The following DSP variants were observed in gnomAD, a reference collection of about 807,000 sequenced individuals.
The protein encoded by DSP is desmoplakin.
In DSP, 114 loss-of-function variants were observed where a neutral mutation model predicts 290.6. The observed-to-expected ratio is 0.39, with a 90% CI of 0.34 to 0.46. The LOEUF (loss-of-function observed/expected upper bound fraction) is 0.46. Among genes scored for constraint, DSP ranks in the 20% least tolerant of loss-of-function variants. The pLI is 0.99. For synonymous variants in DSP, 1,311 were observed against 1,316.4 expected (o/e 1.00, Z 0.09); for missense variants, 3,230 against 3,495.8 (o/e 0.92, Z 1.92).
intron 1 of DSP, 22 bp downstream of exon 1, chr6:7,542,107 G>A (rs1174870155): frequency 1.9e-6 from 3 of 1,552,206 alleles, no homozygotes; most frequent in Admixed American, 3.9e-5. Context: ...CCCGGAGAGC[G>A]CGGGCTGCGG....
chr6:7,559,091 A>C, intron 3 of DSP, 135 bp from the exon 4 acceptor site: 1 of 1,048,406 alleles, frequency 9.5e-7, no homozygotes, highest in Non-Finnish European at 1.4e-6. Flanking sequence ...GGTAAAGAAA[A>C]AAAAATCTTC....
At chr6:7,570,332 G>T in intron 12 of DSP, 105 bp from the exon 13 acceptor site, 1 of 1,541,112 alleles carries the variant, frequency 6.5e-7, no homozygotes, top group Non-Finnish European at 8.9e-7. Flanking sequence ...CTTTATCAGT[G>T]ACTGTTGTAG....
intron 1 of DSP, among the ~76,000 whole-genome samples, chr6:7,542,731 G>A (rs575529230): frequency 4.6e-5 from 7 of 152,334 alleles, no homozygotes; most frequent in Middle Eastern, 3.4e-3. Context: ...GGCGGCTGCC[G>A]GGCCCGGGTC....
chr6:7,548,380 T>G (rs1758232646), intron 1 of DSP, among the ~76,000 whole-genome samples: 1 of 152,128 alleles, frequency 6.6e-6, no homozygotes, highest in Non-Finnish European at 1.5e-5. Context: ...GAGCCTCACC[T>G]CAGCCCCAGG....
chr6:7,572,424 G>A (rs999339365), intron 15 of DSP, among the ~76,000 whole-genome samples: 4 of 152,166 alleles, frequency 2.6e-5, no homozygotes, highest in Admixed American at 6.5e-5. Context: ...GGTGAGATAC[G>A]ATCTCAAAGC....
rs747028124 is a variant in DSP, at chr6:7,579,663, T to C, written c.3473T>C (p.Leu1158Ser). ...AAGGAGAACCTTGGTTGGCAGAAAT[T>C]AGAGTCTGAGAAAGCCATCAAGGAG... is the stretch of plus-strand genomic sequence containing the variant. ...CEKENLGWQK[L>S]ESEKAIKEKE... Residue 1158 changes from leucine (L) to serine (S), a missense_variant, in exon 23 of 24, where the codon TTA (leucine) becomes TCA (serine). By Grantham distance (145) the Leu-to-Ser change is moderately radical. This residue lies in a region of DSP where 1,714 missense variants were observed against 1,844.5 expected (regional missense o/e 0.93). Coordinates refer to ENST00000379802, the MANE Select transcript of DSP (RefSeq NM_004415.4). The surrounding 1 kb of genome is among the most constrained non-coding windows in gnomAD (Gnocchi z 4.1). 1 of 1,613,704 alleles carries C rather than the reference T, an allele frequency of 6.2e-7. No homozygotes were observed. Among genetic ancestry groups the C allele is most frequent in the South Asian group, 1.1e-5 (1 of 91,044 alleles).
chr6:7,550,637 T>G (rs2113645578), intron 1 of DSP, among the ~76,000 whole-genome samples: 1 of 152,182 alleles, frequency 6.6e-6, no homozygotes, highest in Admixed American at 6.5e-5. Flanking sequence ...AAAAAAAAAG[T>G]ATGTGCAGGT....
Position 7,574,815 on chromosome 6 carries a change from C to T in DSP, c.2436+20C>T. ...CTGAAGGTAACTTGAAAGCTTATAA[C>T]AGTGGCCCAACTTACAGGAACTAAT... On this transcript the variant is annotated intron_variant, in intron 17 of 23. Transcript: ENST00000379802. 1 of 1,614,120 alleles carries T rather than the reference C, an allele frequency of 6.2e-7. No individual in the cohort carries two copies. The highest frequency in any genetic ancestry group is 8.5e-7 in the Non-Finnish European group (1 of 1,179,992).
intron 13 of DSP, among the ~76,000 whole-genome samples, 184 bp from the exon 14 acceptor site, chr6:7,571,199 C>G (rs936268703): frequency 6.7e-6 from 1 of 150,270 alleles, no homozygotes; most frequent in East Asian, 2.0e-4. Flanking sequence ...AAAAAATTAG[C>G]AACCCATTCC....
intron 18 of DSP, 74 bp from the exon 19 acceptor site, chr6:7,576,220 T>C: frequency 1.1e-5 from 17 of 1,528,824 alleles, no homozygotes; most frequent in Non-Finnish European, 1.5e-5. Context: ...ATCAAGTGAA[T>C]TTCTGGGTGA....
At position 7,582,653 on chromosome 6, in the gene DSP, G is replaced by A. The variant is rs778745098; in HGVS notation, c.5391G>A (p.Arg1797=). 13 of 1,613,230 alleles carry A rather than the reference G, an allele frequency of 8.1e-6. No homozygotes were observed. Among genetic ancestry groups the A allele is most frequent in the East Asian group, 2.2e-5 (1 of 44,874 alleles). The stretch of plus-strand genomic sequence containing the variant: ...TTCTTCAATTCCAGGCATCTAATAG[G>A]ATTCAGGAATCAAAGAATCAGTGTA... ...FQKQALEASN[R]IQESKNQCTQ... The change falls in exon 24 of 24, where the codon AGG becomes AGA. Residue 1797 remains arginine (R), a synonymous_variant. Coordinates refer to ENST00000379802, the MANE Select transcript of DSP (RefSeq NM_004415.4). This position sits in a 1 kb window ranked among gnomAD's most constrained non-coding sequence, Gnocchi z 4.2.
At chr6:7,561,378 T>A (rs1326124232) in intron 4 of DSP, among the ~76,000 whole-genome samples, 1 of 152,218 alleles carries the variant, frequency 6.6e-6, no homozygotes, top group Non-Finnish European at 1.5e-5. Context: ...CTCTGGGATT[T>A]GCTGTGGCTC....
At position 7,572,009 on chromosome 6, in the gene DSP, C is replaced by T. The variant is rs1363445022; in HGVS notation, c.2071C>T (p.Leu691Phe). Residue 691 changes from leucine to phenylalanine, a missense_variant, in exon 15 of 24, where the codon CTC (leucine) becomes TTC (phenylalanine). This residue lies in a region of DSP where 1,714 missense variants were observed against 1,844.5 expected (regional missense o/e 0.93). Transcript: ENST00000379802. ...CGAGGGCAGGATGACTCTCAAAAACCTCCCTCTAGCAGACCAGGGATCTTC... is the reference window on the plus strand; with the variant it reads ...CGAGGGCAGGATGACTCTCAAAAACTTCCCTCTAGCAGACCAGGGATCTTC... ...HCEGRMTLKN[L>F]PLADQGSSHH... 7 of 1,614,020 alleles carry T rather than the reference C, an allele frequency of 4.3e-6. No individual in the cohort carries two copies. The highest frequency in any genetic ancestry group is 1.3e-5 in the African/African-American group (1 of 74,902).
chr6:7,580,095 G>T lies in DSP; in HGVS notation c.3905G>T (p.Arg1302Leu), dbSNP rs760691999. 2.5e-6 allele frequency: 4 copies of T among 1,614,072 alleles called. No homozygotes were observed. The South Asian group carries it at 4.4e-5, about 18-fold the overall frequency. ...GAACTGAAGCAGGTCATGCAGCAGC[G>T]CTCTGAGGACAATGCCCGGCACAAG... ...EIELKQVMQQ[R>L]SEDNARHKQS... Residue 1302 changes from arginine to leucine, a missense_variant, in exon 23 of 24, where the codon CGC becomes CTC. Physicochemically the swap from Arg to Leu is moderately radical, Grantham distance 102. Coordinates refer to ENST00000379802, the MANE Select transcript of DSP (RefSeq NM_004415.4). The surrounding 1 kb of genome is among the most constrained non-coding windows in gnomAD (Gnocchi z 4.2).
At chr6:7,568,957 CCAAAT>C (rs1758948058) in intron 11 of DSP, among the ~76,000 whole-genome samples, 1 of 150,068 alleles carries the variant, frequency 6.7e-6, no homozygotes, top group African/African-American at 2.5e-5. Context: ...CACAGTGAGA[CCAAAT>C]AAATAAATAA....
In DSP at chr6:7,585,989, T is replaced by A; in HGVS notation, c.*111T>A. 9.1e-7 allele frequency: 1 copy of A among 1,103,744 alleles called. No homozygotes were observed. Among genetic ancestry groups the A allele is most frequent in the South Asian group, 1.3e-5 (1 of 75,510 alleles). 68.4% of individuals were successfully genotyped at this position (1,103,744 alleles called of 1,614,324 possible). On this transcript the variant is annotated 3_prime_UTR_variant, in exon 24 of 24. Coordinates refer to ENST00000379802, the MANE Select transcript of DSP (RefSeq NM_004415.4). ...CTTGCAGTAGAGTGATAGGACATTC[T>A]ATGCTTACAGAAAATATAGCCATGA... is the stretch of plus-strand genomic sequence containing the variant.
chr6:7,562,284 TTAAA>T (rs1300295501), intron 4 of DSP, among the ~76,000 whole-genome samples: 47 of 152,338 alleles, frequency 3.1e-4, no homozygotes, highest in African/African-American at 1.1e-3. Flanking sequence ...TTAAGAATGA[TTAAA>T]TGAGTATTTT....
Position 7,583,994 on chromosome 6 carries a change from C to T in DSP, c.6732C>T (p.Asp2244=), listed in dbSNP as rs764124433. 7.4e-6 allele frequency: 12 copies of T among 1,613,966 alleles called. No individual in the cohort carries two copies. In the Admixed American group the frequency reaches 1.0e-4, roughly 13 times the overall value. Reference sequence around the variant, plus strand: ...TGGAATCTGGTCAGATTTCTTATGACGAGGTTGGTGAGAGAATTAAGGACT... The same window carrying T: ...TGGAATCTGGTCAGATTTCTTATGATGAGGTTGGTGAGAGAATTAAGGACT... ...NELESGQISY[D]EVGERIKDFL... Residue 2244 remains aspartate (D), a synonymous_variant, in exon 24 of 24, where the codon GAC becomes GAT. Transcript: ENST00000379802. This position sits in a 1 kb window ranked among gnomAD's most constrained non-coding sequence, Gnocchi z 4.0.
rs148845182 is a variant in DSP at position 7,583,058 on chromosome 6, C to G, written c.5796C>G (p.Arg1932=). 1.4e-5 allele frequency: 23 copies of G among 1,613,926 alleles called. No homozygotes were observed. The African/African-American group carries it at 2.8e-4, about 20-fold the overall frequency. ...RETQSQLETE[R]SRYQREIDKL... ...CACAGTCACAGTTAGAAACAGAACGCTCCCGATATCAGAGGGAGATTGATA... is the reference window on the plus strand; with the variant it reads ...CACAGTCACAGTTAGAAACAGAACGGTCCCGATATCAGAGGGAGATTGATA... The change falls in exon 24 of 24, where the codon CGC becomes CGG. Residue 1932 remains arginine, a synonymous_variant. Coordinates refer to ENST00000379802, the MANE Select transcript of DSP (RefSeq NM_004415.4). The surrounding 1 kb of genome is among the most constrained non-coding windows in gnomAD (Gnocchi z 4.0).
Sources: gnomAD v4.1 joint callset for allele counts (sites outside exome capture counted in the v4.1 genomes callset) on GRCh38, gnomAD v4.1.1 for gene constraint, gnomAD v4.1.1 regional missense constraint, Gnocchi (gnomAD v3.1) non-coding constraint, MANE v1.5 for transcripts, NCBI Gene and HGNC (gene_info 2026-07-23, HGNC 2026-07-21) for gene names.